RGS6: variants seen among roughly 807,000 people sequenced by gnomAD.
RGS6 encodes the protein regulator of G-protein signaling 6.
A neutral mutation model predicts 78.5 loss-of-function variants in RGS6; 30 were observed. The ratio of observed to expected loss-of-function variants is 0.38; its 90% CI spans 0.29 to 0.52. The LOEUF (loss-of-function observed/expected upper bound fraction) is 0.52. Ranked by LOEUF, RGS6 falls within the 20% of genes least tolerant of loss-of-function variation. RGS6 has a pLI of 0.85. For synonymous variants in RGS6, 206 were observed against 206.0 expected (o/e 1.00, Z 0.00); for missense variants, 495 against 609.7 (o/e 0.81, Z 1.98).
chr14:72,016,694 C>T (rs1266836104), intron 2 of RGS6, among the ~76,000 whole-genome samples: 1 of 152,210 alleles, frequency 6.6e-6, no homozygotes, highest in African/African-American at 2.4e-5. Context: ...TTTGCTTACT[C>T]TGGCTCTACC....
intron 2 of RGS6, among the ~76,000 whole-genome samples, chr14:72,264,438 A>C (rs951932541): frequency 6.6e-6 from 1 of 152,236 alleles, no homozygotes; most frequent in East Asian, 1.9e-4. Flanking sequence ...GAAAGCCACT[A>C]TGTATAAAAT....
chr14:72,067,310 G>T (rs548546046), intron 2 of RGS6, among the ~76,000 whole-genome samples: 1 of 152,038 alleles, frequency 6.6e-6, no homozygotes, highest in African/African-American at 2.4e-5. Flanking sequence ...AAGGCCTGTC[G>T]GGGAGGTGGA....
intron 2 of RGS6, among the ~76,000 whole-genome samples, chr14:72,336,986 A>G (rs2283389): frequency 0.081 from 12,288 of 152,152 alleles, 701 homozygotes; most frequent in East Asian, 0.26. Flanking sequence ...TAACTCGATT[A>G]CCTCTGTAAA....
At chr14:72,437,845 C>G (rs1005395453) in intron 3 of RGS6, among the ~76,000 whole-genome samples, 1 of 152,148 alleles carries the variant, frequency 6.6e-6, no homozygotes, top group Non-Finnish European at 1.5e-5. Flanking sequence ...TTGGAAGCAG[C>G]GTCCCCTGCT....
chr14:72,537,506 C>T (rs2097266121), intron 16 of RGS6: 1 of 702,358 alleles, frequency 1.4e-6, no homozygotes, highest in Non-Finnish European at 2.6e-6. Context: ...TTTCCTGCAT[C>T]CCTCCCCACA....
intron 3 of RGS6, among the ~76,000 whole-genome samples, chr14:72,443,761 A>G (rs1396297912): frequency 6.6e-6 from 1 of 152,166 alleles, no homozygotes; most frequent in Admixed American, 6.5e-5. Flanking sequence ...AACATCTGTC[A>G]TGCTCTCTGG....
chr14:72,416,358 T>A (rs1028091195), intron 3 of RGS6, among the ~76,000 whole-genome samples: 1 of 152,194 alleles, frequency 6.6e-6, no homozygotes, highest in African/African-American at 2.4e-5. Context: ...CCTTTTCTTC[T>A]TGTCCCCTGC....
intron 2 of RGS6, among the ~76,000 whole-genome samples, chr14:72,150,620 G>A (rs1292621001): frequency 6.6e-6 from 1 of 151,920 alleles, no homozygotes; most frequent in East Asian, 1.9e-4. Flanking sequence ...GGGGAAGCAG[G>A]CACGTCTTAC....
chr14:72,010,594 AG>A (rs1450689156), intron 2 of RGS6, among the ~76,000 whole-genome samples: 1 of 152,224 alleles, frequency 6.6e-6, no homozygotes, highest in African/African-American at 2.4e-5. Flanking sequence ...TAAAAATTAC[AG>A]GGGGCCATCG....
intron 2 of RGS6, among the ~76,000 whole-genome samples, chr14:72,341,342 T>C (rs1649332835): frequency 6.6e-6 from 1 of 152,218 alleles, no homozygotes; most frequent in African/African-American, 2.4e-5. Context: ...AGGGGAGGTC[T>C]GCCTTCATGA....
chr14:72,549,602 C>A (rs2097468776), intron 17 of RGS6, among the ~76,000 whole-genome samples: 1 of 152,210 alleles, frequency 6.6e-6, no homozygotes, highest in African/African-American at 2.4e-5. Flanking sequence ...TGGCTCACAT[C>A]TGTAATCCGA....
intron 2 of RGS6, among the ~76,000 whole-genome samples, chr14:72,050,176 T>TGAGAAAA: frequency 6.6e-6 from 1 of 152,186 alleles, no homozygotes; most frequent in East Asian, 1.9e-4. Flanking sequence ...TGATGGTATA[T>TGAGAAAA]AAGAAAAAAG....
chr14:72,047,791 G>A (rs1309546905), intron 2 of RGS6, among the ~76,000 whole-genome samples: 8 of 151,504 alleles, frequency 5.3e-5, no homozygotes, highest in Admixed American at 4.6e-4. Context: ...GCAATGGCGC[G>A]CTCAGTTCAC....
chr14:72,385,078 G>A (rs1259109428), intron 3 of RGS6, among the ~76,000 whole-genome samples: 1 of 152,066 alleles, frequency 6.6e-6, no homozygotes, highest in African/African-American at 2.4e-5. Flanking sequence ...GGTGTCTTTA[G>A]CACCTGCCCG....
intron 13 of RGS6, among the ~76,000 whole-genome samples, chr14:72,498,735 A>G (rs1376069542): frequency 6.6e-6 from 1 of 152,110 alleles, no homozygotes; most frequent in African/African-American, 2.4e-5. Flanking sequence ...AAATACACGC[A>G]TACTGGGGTG....
chr14:72,517,689 T>G (rs1339962955), intron 14 of RGS6, among the ~76,000 whole-genome samples: 1 of 152,264 alleles, frequency 6.6e-6, no homozygotes, highest in Non-Finnish European at 1.5e-5. Context: ...AGCACTGATG[T>G]GAATTGGCTC....
chr14:72,566,702 A>G (rs2097713113), downstream of RGS6, among the ~76,000 whole-genome samples: 1 of 146,304 alleles, frequency 6.8e-6, no homozygotes, highest in African/African-American at 2.6e-5. Context: ...TCTCACTCCC[A>G]ACCAGGCTGC....
At chr14:72,066,099 T>A (rs1271015856) in intron 2 of RGS6, among the ~76,000 whole-genome samples, 2 of 152,192 alleles carry the variant, frequency 1.3e-5, no homozygotes, top group African/African-American at 4.8e-5. Flanking sequence ...CTTCTTTCTG[T>A]GGAGGTGAAA....
intron 2 of RGS6, among the ~76,000 whole-genome samples, chr14:72,087,357 C>A (rs1261243509): frequency 6.6e-6 from 1 of 152,146 alleles, no homozygotes; most frequent in Non-Finnish European, 1.5e-5. Flanking sequence ...TTTTGAACTC[C>A]TTACCTCAAG....
Sources: gnomAD v4.1 joint callset for allele counts (sites outside exome capture counted in the v4.1 genomes callset) on GRCh38, gnomAD v4.1.1 for gene constraint, MANE v1.5 for transcripts, NCBI Gene and HGNC (gene_info 2026-07-23, HGNC 2026-07-21) for gene names.